Variants in CADM2 observed in about 807,000 individuals in gnomAD.
The protein encoded by CADM2 is cell adhesion molecule 2.
CADM2 carries 12 observed loss-of-function variants against 49.8 expected under a neutral mutation model. The observed-to-expected ratio is 0.24, with a 90% CI of 0.15 to 0.39. CADM2 has a LOEUF of 0.39. Ranked by LOEUF, CADM2 falls within the 10% of genes least tolerant of loss-of-function variation. The probability of loss-of-function intolerance (pLI) is 1.00; values close to 1 mark genes in which losing one functional copy is unlikely to be tolerated. For synonymous variants in CADM2, 214 were observed against 175.4 expected (o/e 1.22, Z -1.74); for missense variants, 378 against 492.3 (o/e 0.77, Z 2.20).
intron 1 of CADM2, among the ~76,000 whole-genome samples, chr3:85,661,843 A>G (rs1232212636): frequency 6.6e-6 from 1 of 152,054 alleles, no homozygotes; most frequent in Non-Finnish European, 1.5e-5. Context: ...TTACCTTATT[A>G]GTCAATAACA....
intron 1 of CADM2, among the ~76,000 whole-genome samples, chr3:85,244,437 G>T (rs1010442551): frequency 6.6e-6 from 1 of 151,924 alleles, no homozygotes; most frequent in Non-Finnish European, 1.5e-5. Context: ...AGAACTTCAG[G>T]TTAAATAACA....
chr3:85,954,795 A>G (rs1723844782), intron 7 of CADM2, among the ~76,000 whole-genome samples: 1 of 151,244 alleles, frequency 6.6e-6, no homozygotes, highest in Non-Finnish European at 1.5e-5. Flanking sequence ...TGATAACATA[A>G]ATATTGGGTG....
chr3:85,085,612 T>C (rs1289528989), intron 1 of CADM2, among the ~76,000 whole-genome samples: 5 of 152,256 alleles, frequency 3.3e-5, no homozygotes, highest in African/African-American at 4.8e-5. Flanking sequence ...CTTTGCTGCA[T>C]ATCACTTCTT....
chr3:85,827,578 T>C (rs989428212), intron 3 of CADM2, among the ~76,000 whole-genome samples: 6 of 151,950 alleles, frequency 3.9e-5, no homozygotes, highest in African/African-American at 1.4e-4. Context: ...TTCTATCTCT[T>C]TTATTATTTT....
chr3:85,052,193 G>A (rs2035906929), intron 1 of CADM2, among the ~76,000 whole-genome samples: 1 of 152,100 alleles, frequency 6.6e-6, no homozygotes, highest in Non-Finnish European at 1.5e-5. Flanking sequence ...ATTCAACTGT[G>A]ATTGAAGCTA....
chr3:85,885,551 A>G (rs1050852171), intron 4 of CADM2, among the ~76,000 whole-genome samples: 15 of 151,720 alleles, frequency 9.9e-5, no homozygotes, highest in African/African-American at 3.1e-4. Flanking sequence ...GCTTGGTGGC[A>G]CCCACCTGTA....
intron 1 of CADM2, among the ~76,000 whole-genome samples, chr3:85,128,836 C>A (rs2039123892): frequency 6.6e-6 from 1 of 152,090 alleles, no homozygotes; most frequent in Admixed American, 6.6e-5. Context: ...TATAATGTAT[C>A]TTTAAACACT....
intron 1 of CADM2, among the ~76,000 whole-genome samples, chr3:85,103,368 G>A (rs942021294): frequency 6.6e-6 from 1 of 151,888 alleles, no homozygotes; most frequent in African/African-American, 2.4e-5. Context: ...TCATTGATTT[G>A]TGTAAGAAAT....
intron 1 of CADM2, among the ~76,000 whole-genome samples, chr3:85,403,212 T>G (rs1030177901): frequency 1.3e-5 from 2 of 152,148 alleles, no homozygotes; most frequent in African/African-American, 4.8e-5. Flanking sequence ...GATTTCGTAT[T>G]GTTCAAATTG....
At chr3:85,189,604 T>G (rs2041155701) in intron 1 of CADM2, among the ~76,000 whole-genome samples, 1 of 152,178 alleles carries the variant, frequency 6.6e-6, no homozygotes, top group Non-Finnish European at 1.5e-5. Context: ...TAACAGAAAA[T>G]GTACTGTTAC....
At chr3:85,963,963 G>A (rs1347842544) in intron 8 of CADM2, among the ~76,000 whole-genome samples, 2 of 151,880 alleles carry the variant, frequency 1.3e-5, no homozygotes, top group Admixed American at 6.6e-5. Flanking sequence ...AGTAATGAGA[G>A]GCTCGATGAA....
At chr3:85,794,791 C>G (rs142629157) in intron 2 of CADM2, among the ~76,000 whole-genome samples, 1 of 152,070 alleles carries the variant, frequency 6.6e-6, no homozygotes, top group South Asian at 2.1e-4. Context: ...TCATTACACT[C>G]TCTCCTAAAG....
chr3:85,633,949 A>G (rs1371619899), intron 1 of CADM2, among the ~76,000 whole-genome samples: 1 of 152,054 alleles, frequency 6.6e-6, no homozygotes, highest in Non-Finnish European at 1.5e-5. Flanking sequence ...GGGAAATTTT[A>G]ATAAAATATG....
At chr3:85,798,660 T>C (rs1487907016) in intron 2 of CADM2, among the ~76,000 whole-genome samples, 2 of 152,232 alleles carry the variant, frequency 1.3e-5, no homozygotes, top group Non-Finnish European at 2.9e-5. Context: ...CATGCTGTTT[T>C]GGTTACTGCA....
chr3:85,540,727 T>C (rs147076461), intron 1 of CADM2, among the ~76,000 whole-genome samples: 1 of 152,278 alleles, frequency 6.6e-6, no homozygotes, highest in Non-Finnish European at 1.5e-5. Context: ...TCTACTAGGG[T>C]TCCCATAAGA....
chr3:85,062,090 A>G (rs957174267), intron 1 of CADM2, among the ~76,000 whole-genome samples: 10 of 147,914 alleles, frequency 6.8e-5, no homozygotes, highest in Admixed American at 1.3e-4. Flanking sequence ...ACACACACGC[A>G]CACACACACA....
chr3:85,543,420 A>ATGTGTGTGTGTGTG lies in CADM2; in HGVS notation c.62-183078_62-183065dup, dbSNP rs34654299. Among the ~76,000 whole-genome samples the ATGTGTGTGTGTGTG allele has an allele frequency of 1.8e-4, 23 of 129,638 alleles. No homozygotes were observed. The East Asian group carries it at 5.8e-3, about 33-fold the overall frequency. 85.0% of individuals were successfully genotyped at this position (129,638 alleles called of 152,430 possible). ...CAGGCACCGCCACCATGCCAAGCTA[A>ATGTGTGTGTGTGTG]TGTGTGTGTGTGTGTGTGTGTGTGT... is the stretch of plus-strand genomic sequence containing the variant. On this transcript the variant is annotated intron_variant, in intron 1 of 9. Transcript: ENST00000383699.
intron 1 of CADM2, among the ~76,000 whole-genome samples, chr3:85,693,553 C>T (rs1316641738): frequency 1.6e-5 from 2 of 123,830 alleles, no homozygotes; most frequent in Non-Finnish European, 1.6e-5. Flanking sequence ...GCAGTCCTGC[C>T]TCGGCGAAAG....
At chr3:85,035,968 G>C (rs970115018) in intron 1 of CADM2, among the ~76,000 whole-genome samples, 7 of 152,112 alleles carry the variant, frequency 4.6e-5, no homozygotes, top group Admixed American at 2.0e-4. Context: ...GTAACATAGA[G>C]AGCACAGTGC....
Sources: gnomAD v4.1 joint callset for allele counts (sites outside exome capture counted in the v4.1 genomes callset) on GRCh38, gnomAD v4.1.1 for gene constraint, MANE v1.5 for transcripts, NCBI Gene and HGNC (gene_info 2026-07-23, HGNC 2026-07-21) for gene names.